PDE4B: variants seen among roughly 807,000 people sequenced by gnomAD.
The protein encoded by PDE4B is phosphodiesterase 4B.
In PDE4B, 20 loss-of-function variants were observed where a neutral mutation model predicts 82.2. The observed-to-expected ratio is 0.24, with a 90% CI of 0.17 to 0.35. PDE4B has a LOEUF of 0.35. Ranked by LOEUF, PDE4B falls within the 10% of genes least tolerant of loss-of-function variation. The pLI is 1.00. For missense variants in PDE4B, 655 were observed against 907.2 expected (o/e 0.72, Z 3.57); for synonymous variants, 320 against 318.9 (o/e 1.00, Z -0.04).
At chr1:66,185,857 A>G (rs1289808392) in intron 3 of PDE4B, among the ~76,000 whole-genome samples, 1 of 152,080 alleles carries the variant, frequency 6.6e-6, no homozygotes, top group East Asian at 1.9e-4. Context: ...CCATTTGTCA[A>G]TTTTGGCTTT....
At chr1:66,165,125 T>G (rs114344024) in intron 3 of PDE4B, among the ~76,000 whole-genome samples, 1,563 of 152,262 alleles carry the variant, frequency 0.01, 27 homozygotes, top group African/African-American at 0.036. Context: ...ACCATTTCCT[T>G]GGACAAGTCA....
intron 3 of PDE4B, among the ~76,000 whole-genome samples, chr1:66,054,550 T>C (rs1464295615): frequency 1.3e-5 from 2 of 152,198 alleles, no homozygotes; most frequent in African/African-American, 2.4e-5. Flanking sequence ...TCATTCCTAA[T>C]TGGCTTCGTC....
chr1:65,971,543 C>T (rs1650137835), intron 3 of PDE4B, among the ~76,000 whole-genome samples: 1 of 151,970 alleles, frequency 6.6e-6, no homozygotes, highest in Admixed American at 6.6e-5. Context: ...AATAAAAAAC[C>T]CATTAATGAA....
chr1:66,207,427 A>G (rs1161076230), intron 3 of PDE4B, among the ~76,000 whole-genome samples: 1 of 152,228 alleles, frequency 6.6e-6, no homozygotes, highest in Non-Finnish European at 1.5e-5. Context: ...CCCATGGGTC[A>G]CTGAAGATAT....
chr1:66,357,195 C>G (rs1662323269), intron 9 of PDE4B, among the ~76,000 whole-genome samples: 1 of 152,308 alleles, frequency 6.6e-6, no homozygotes, highest in Middle Eastern at 3.4e-3. Context: ...AGAAGAGACA[C>G]TCACTACTGG....
intron 3 of PDE4B, among the ~76,000 whole-genome samples, chr1:66,228,998 G>C (rs1241181297): frequency 6.6e-6 from 1 of 152,054 alleles, no homozygotes; most frequent in East Asian, 1.9e-4. Flanking sequence ...TATTGGGGAA[G>C]GAACATCTTC....
chr1:66,338,127 C>T (rs2101938894), intron 8 of PDE4B, among the ~76,000 whole-genome samples: 1 of 152,266 alleles, frequency 6.6e-6, no homozygotes, highest in South Asian at 2.1e-4. Flanking sequence ...TCAATATTCA[C>T]AGTAACACTT....
At chr1:65,975,021 G>C (rs552175059) in intron 3 of PDE4B, among the ~76,000 whole-genome samples, 1 of 152,204 alleles carries the variant, frequency 6.6e-6, no homozygotes. Flanking sequence ...ATGCTCAAAG[G>C]TTGGAACAGT....
intron 1 of PDE4B, among the ~76,000 whole-genome samples, chr1:65,810,011 A>C (rs1482313648): frequency 1.3e-5 from 2 of 152,260 alleles, no homozygotes; most frequent in Admixed American, 1.3e-4. Flanking sequence ...ATTGCAGCCA[A>C]GGGCTGCACT....
chr1:66,372,436 C>T lies in PDE4B; in HGVS notation c.1969C>T (p.Pro657Ser). Residue 657 changes from proline (P) to serine (S), a missense_variant, in exon 17 of 17, where the codon CCT becomes TCT. Physicochemically the swap from Pro to Ser is moderately conservative, Grantham distance 74. Transcript: ENST00000341517. ...DNRNWYQSMI[P>S]QSPSPPLDEQ... ...CAGGAACTGGTATCAGAGCATGATA[C>T]CTCAAAGTCCCTCACCACCACTGGA... 1 of 1,614,090 alleles carries T rather than the reference C, an allele frequency of 6.2e-7. No homozygotes were observed. The highest frequency in any genetic ancestry group is 1.1e-5 in the South Asian group (1 of 91,074).
At chr1:65,882,478 C>T (rs1646719447) in intron 1 of PDE4B, among the ~76,000 whole-genome samples, 1 of 152,058 alleles carries the variant, frequency 6.6e-6, no homozygotes, top group Non-Finnish European at 1.5e-5. Context: ...ACAGCATATT[C>T]TCTAATATGA....
intron 1 of PDE4B, among the ~76,000 whole-genome samples, chr1:65,842,472 A>T (rs1333502792): frequency 2.6e-5 from 4 of 152,162 alleles, no homozygotes; most frequent in African/African-American, 9.6e-5. Context: ...CATATATTGT[A>T]TCATGATTAG....
At chr1:66,303,349 G>A (rs1658034291) in intron 7 of PDE4B, among the ~76,000 whole-genome samples, 2 of 105,550 alleles carry the variant, frequency 1.9e-5, no homozygotes, top group Non-Finnish European at 4.0e-5. Flanking sequence ...ATATGTGTGT[G>A]TGTGTATATA....
At chr1:66,344,702 A>G (rs548459219) in intron 8 of PDE4B, among the ~76,000 whole-genome samples, 90 of 152,352 alleles carry the variant, frequency 5.9e-4, no homozygotes, top group African/African-American at 2.1e-3. Flanking sequence ...AATGAGCAAA[A>G]TATGAGCTCC....
intron 1 of PDE4B, among the ~76,000 whole-genome samples, chr1:65,887,092 G>A (rs895010490): frequency 1.7e-4 from 25 of 151,240 alleles, no homozygotes; most frequent in African/African-American, 6.1e-4. Flanking sequence ...TTGTGGTTTC[G>A]ATGTACATTT....
At chr1:66,224,236 C>T (rs1047893354) in intron 3 of PDE4B, among the ~76,000 whole-genome samples, 1 of 152,150 alleles carries the variant, frequency 6.6e-6, no homozygotes, top group African/African-American at 2.4e-5. Context: ...CCATTCCCCT[C>T]AACCCCTCTC....
chr1:65,808,123 T>C (rs1434822140), intron 1 of PDE4B, among the ~76,000 whole-genome samples: 3 of 150,904 alleles, frequency 2.0e-5, no homozygotes, highest in African/African-American at 7.3e-5. Flanking sequence ...TTTGAGTCAG[T>C]GAGGATTAAA....
At chr1:65,815,683 G>A (rs2101216786) in intron 1 of PDE4B, among the ~76,000 whole-genome samples, 1 of 152,228 alleles carries the variant, frequency 6.6e-6, no homozygotes, top group African/African-American at 2.4e-5. Context: ...AATTTGTCCT[G>A]AAGCTAAAAA....
chr1:66,277,602 G>A (rs1655979132), intron 7 of PDE4B, among the ~76,000 whole-genome samples: 1 of 152,076 alleles, frequency 6.6e-6, no homozygotes, highest in South Asian at 2.1e-4. Flanking sequence ...CACTATGTTA[G>A]CCAGGCTGGT....
Sources: gnomAD v4.1 joint callset for allele counts (sites outside exome capture counted in the v4.1 genomes callset) on GRCh38, gnomAD v4.1.1 for gene constraint, MANE v1.5 for transcripts, NCBI Gene and HGNC (gene_info 2026-07-23, HGNC 2026-07-21) for gene names.